Variants in NRXN3 observed in about 807,000 individuals in gnomAD.
NRXN3 encodes neurexin III.
A neutral mutation model predicts 137.6 loss-of-function variants in NRXN3; 32 were observed. That is an observed-to-expected ratio of 0.23 (90% CI 0.18 to 0.31). The LOEUF (loss-of-function observed/expected upper bound fraction) is 0.31, where lower values mean the gene tolerates loss of function less well. Among genes scored for constraint, NRXN3 ranks in the 10% least tolerant of loss-of-function variants. The probability of loss-of-function intolerance (pLI) is 1.00; values close to 1 mark genes in which losing one functional copy is unlikely to be tolerated. For missense variants in NRXN3, 1,574 were observed against 2,062.5 expected (o/e 0.76, Z 4.59); for synonymous variants, 798 against 784.5 (o/e 1.02, Z -0.29).
rs564228483 is a variant in NRXN3, at chr14:78,516,803, T to G, written c.758-128317T>G. On this transcript the variant is annotated intron_variant, in intron 4 of 20. Transcript: ENST00000335750. ...ACTGAAACTTGGGAAATAACTATAG[T>G]TAATGAATTTTGAAGAAAAGAGTTA... 4.6e-5 allele frequency among the ~76,000 whole-genome samples: 7 copies of G among 152,266 alleles called. No homozygotes were observed. The South Asian group carries it at 1.4e-3, about 32-fold the overall frequency.
intron 8 of NRXN3, among the ~76,000 whole-genome samples, chr14:78,770,650 A>T (rs185376659): frequency 1.3e-5 from 2 of 152,314 alleles, no homozygotes; most frequent in Admixed American, 1.3e-4. Context: ...ATCAAATGGG[A>T]AATTAGTGAC....
intron 15 of NRXN3, among the ~76,000 whole-genome samples, chr14:79,209,747 C>T (rs1407920530): frequency 6.6e-6 from 1 of 152,126 alleles, no homozygotes; most frequent in Non-Finnish European, 1.5e-5. Context: ...GAGTGCTTGG[C>T]ACATGAAAGA....
At chr14:79,461,800 C>T (rs886858710) in intron 15 of NRXN3, among the ~76,000 whole-genome samples, 11 of 151,802 alleles carry the variant, frequency 7.2e-5, no homozygotes, top group Non-Finnish European at 1.0e-4. Flanking sequence ...TAAAAAAACA[C>T]GAATGTGGAT....
At chr14:78,571,314 G>T (rs908295732) in intron 4 of NRXN3, among the ~76,000 whole-genome samples, 3 of 152,182 alleles carry the variant, frequency 2.0e-5, no homozygotes, top group Non-Finnish European at 4.4e-5. Flanking sequence ...TGAGAGGAAA[G>T]AGGAAGAAAC....
intron 15 of NRXN3, among the ~76,000 whole-genome samples, chr14:79,055,122 C>G (rs529424629): frequency 2.6e-5 from 4 of 152,312 alleles, no homozygotes; most frequent in African/African-American, 7.2e-5. Context: ...CATAAAGACA[C>G]CTTAGGCGTT....
intron 15 of NRXN3, among the ~76,000 whole-genome samples, chr14:79,307,542 C>G (rs573231025): frequency 6.6e-6 from 1 of 152,204 alleles, no homozygotes; most frequent in South Asian, 2.1e-4. Flanking sequence ...TAGCTGGGCT[C>G]AGGGTCTCTT....
At chr14:78,323,787 G>A (rs1479506850) in intron 4 of NRXN3, among the ~76,000 whole-genome samples, 2 of 152,056 alleles carry the variant, frequency 1.3e-5, no homozygotes, top group Admixed American at 6.5e-5. Flanking sequence ...ACAGGTACAA[G>A]TGGGAGCCCA....
intron 10 of NRXN3, among the ~76,000 whole-genome samples, chr14:78,912,007 T>C (rs987393378): frequency 6.6e-5 from 10 of 151,734 alleles, no homozygotes; most frequent in Non-Finnish European, 1.5e-5. Context: ...GCCATGTTGG[T>C]GTGCTGCACC....
At chr14:78,470,020 A>ATTGTTG (rs1422465489) in intron 4 of NRXN3, among the ~76,000 whole-genome samples, 10 of 152,342 alleles carry the variant, frequency 6.6e-5, no homozygotes, top group Admixed American at 5.9e-4. Context: ...ACAACAGAAT[A>ATTGTTG]TCTGGGTTTT....
intron 4 of NRXN3, among the ~76,000 whole-genome samples, chr14:78,617,324 C>T (rs1055570484): frequency 2.6e-5 from 4 of 152,168 alleles, no homozygotes; most frequent in African/African-American, 7.2e-5. Flanking sequence ...CTCCATCCCA[C>T]GTGACCCATA....
chr14:79,610,973 C>T (rs2098091044), intron 16 of NRXN3, among the ~76,000 whole-genome samples: 1 of 152,124 alleles, frequency 6.6e-6, no homozygotes, highest in African/African-American at 2.4e-5. Context: ...GTAGCCCCTT[C>T]TAGAGTATGG....
At chr14:78,643,156 A>G (rs547937319) in intron 4 of NRXN3, among the ~76,000 whole-genome samples, 22 of 152,208 alleles carry the variant, frequency 1.4e-4, no homozygotes, top group Non-Finnish European at 2.8e-4. Context: ...ATTATAAAAT[A>G]TCTCCTTTTT....
intron 15 of NRXN3, among the ~76,000 whole-genome samples, chr14:78,991,204 T>C (rs956806338): frequency 1.3e-5 from 2 of 152,104 alleles, no homozygotes; most frequent in Non-Finnish European, 2.9e-5. Flanking sequence ...AGAAAGTGGG[T>C]CTTATATGGA....
intron 20 of NRXN3, among the ~76,000 whole-genome samples, chr14:79,859,384 C>T (rs1031973778): frequency 1.3e-5 from 2 of 152,176 alleles, no homozygotes; most frequent in Non-Finnish European, 1.5e-5. Context: ...GCTTTCTTCT[C>T]AGGAAGCCCT....
At chr14:78,632,732 A>C (rs2097532748) in intron 4 of NRXN3, among the ~76,000 whole-genome samples, 1 of 152,234 alleles carries the variant, frequency 6.6e-6, no homozygotes, top group Non-Finnish European at 1.5e-5. Flanking sequence ...AAATATGAGC[A>C]TGTAGATATG....
chr14:78,783,902 G>A (rs61992226), intron 8 of NRXN3, among the ~76,000 whole-genome samples: 143 of 152,158 alleles, frequency 9.4e-4, no homozygotes, highest in Admixed American at 3.3e-3. Context: ...TCATAGAGAA[G>A]ACGATGCTCA....
intron 15 of NRXN3, among the ~76,000 whole-genome samples, chr14:79,182,534 C>T (rs2063048245): frequency 6.6e-6 from 1 of 152,062 alleles, no homozygotes; most frequent in African/African-American, 2.4e-5. Flanking sequence ...CTAATGCTGC[C>T]ACTGATCTGA....
chr14:79,587,819 A>G (rs2097774131), intron 16 of NRXN3, among the ~76,000 whole-genome samples: 1 of 152,188 alleles, frequency 6.6e-6, no homozygotes, highest in South Asian at 2.1e-4. Flanking sequence ...ATTTGAATGG[A>G]AACGGTCTTC....
chr14:78,276,506 A>G (rs2073615887), intron 2 of NRXN3, among the ~76,000 whole-genome samples: 2 of 152,200 alleles, frequency 1.3e-5, no homozygotes, highest in South Asian at 4.1e-4. Context: ...GTAGCATTGT[A>G]CTTAGTTCAG....
Sources: allele counts gnomAD v4.1 joint callset (sites outside exome capture counted in the v4.1 genomes callset), GRCh38; gene constraint gnomAD v4.1.1; transcripts MANE v1.5; gene names NCBI Gene and HGNC (gene_info 2026-07-23, HGNC 2026-07-21).